UBR1: variants seen among roughly 807,000 people sequenced by gnomAD.
UBR1 encodes the protein ubiquitin protein ligase E3 component n-recognin 1, also known as E3 ubiquitin-protein ligase UBR1.
In UBR1, 102 loss-of-function variants were observed where a neutral mutation model predicts 242.1. That is an observed-to-expected ratio of 0.42 (90% CI 0.36 to 0.50). UBR1 has a LOEUF of 0.50. UBR1 is among the 20% of genes least tolerant of loss of function. The pLI is 0.01. For missense variants in UBR1, 1,772 were observed against 2,101.8 expected (o/e 0.84, Z 3.07); for synonymous variants, 675 against 684.8 (o/e 0.99, Z 0.22).
At position 43,027,829 on chromosome 15, in the gene UBR1, CTGTTGAAACAATATTTTTG is replaced by C. The variant is rs1567130338; in HGVS notation, c.2380-20_2380-2del. 1 of 1,612,002 alleles carries C rather than the reference CTGTTGAAACAATATTTTTG, an allele frequency of 6.2e-7. No individual in the cohort carries two copies. Among genetic ancestry groups the C allele is most frequent in the Non-Finnish European group, 8.5e-7 (1 of 1,179,116 alleles). ...TCTCTAAGCCAGTTTCATTATTTTC[CTGTTGAAACAATATTTTTG>C]TCATTTTTACCTTCATATAATGACT... On this transcript the variant is annotated splice_acceptor_variant and splice_polypyrimidine_tract_variant and intron_variant, in intron 21 of 46. Coordinates refer to ENST00000290650, the MANE Select transcript of UBR1 (RefSeq NM_174916.3). LOFTEE classifies it high-confidence loss of function.
intron 46 of UBR1, among the ~76,000 whole-genome samples, chr15:42,947,649 CAGAG>C (rs2031760324): frequency 1.3e-5 from 2 of 152,076 alleles, no homozygotes; most frequent in Non-Finnish European, 2.9e-5. Context: ...AACAGACAAA[CAGAG>C]AGCCAAATCA....
intron 32 of UBR1, 110 bp downstream of exon 32, chr15:43,002,445 C>T (rs957118785): frequency 1.6e-6 from 2 of 1,283,158 alleles, no homozygotes; most frequent in East Asian, 2.5e-5. Context: ...GGTCTCGAAC[C>T]CCTGAGCTCT....
At chr15:43,068,644 G>A (rs550817495) in intron 5 of UBR1, among the ~76,000 whole-genome samples, 1 of 147,118 alleles carries the variant, frequency 6.8e-6, no homozygotes, top group East Asian at 2.1e-4. Context: ...TGTTTTAGAT[G>A]GAATCTCACT....
At chr15:43,032,537 T>A (rs763878665) in intron 20 of UBR1, 31 bp downstream of exon 20, 6 of 1,451,836 alleles carry the variant, frequency 4.1e-6, no homozygotes, top group Non-Finnish European at 5.8e-6. Context: ...TAACCCATGT[T>A]CTATTTCAAA....
At chr15:43,085,746 T>C (rs751915359) in intron 2 of UBR1, among the ~76,000 whole-genome samples, 9 of 149,718 alleles carry the variant, frequency 6.0e-5, no homozygotes, top group Admixed American at 3.3e-4. Context: ...TAGCCAGGCA[T>C]GGTGGCGGGT....
intron 42 of UBR1, among the ~76,000 whole-genome samples, chr15:42,961,959 T>C (rs914107005): frequency 2.0e-5 from 3 of 148,142 alleles, no homozygotes; most frequent in African/African-American, 7.5e-5. Flanking sequence ...AGAAATGGGG[T>C]TTCACTATCT....
Position 43,067,991 on chromosome 15 carries a change from G to A in UBR1, c.705C>T (p.His235=). Residue 235 remains histidine, a synonymous_variant, in exon 6 of 47, where the codon CAC becomes CAT. Coordinates refer to ENST00000290650, the MANE Select transcript of UBR1 (RefSeq NM_174916.3). ...TGTATATGACGTGGTCATATGAATG[G>A]TGTTCATCATTGAAAAGGACACAAT... is the stretch of plus-strand genomic sequence containing the variant. The part of the protein sequence containing the change: ...RYYCVLFNDE[H]HSYDHVIYSL... 1 of 1,611,182 alleles carries A rather than the reference G, an allele frequency of 6.2e-7. No homozygotes were observed. Among genetic ancestry groups the A allele is most frequent in the South Asian group, 1.1e-5 (1 of 90,998 alleles).
chr15:42,970,753 G>A lies in UBR1; in HGVS notation c.4370-146C>T, dbSNP rs1342161439. 2.1e-5 allele frequency: 16 copies of A among 757,974 alleles called. No individual in the cohort carries two copies. The East Asian group carries it at 2.3e-4, about 11-fold the overall frequency. The allele number at this position is 757,974 out of a possible 1,614,324, so 47.0% of individuals were successfully genotyped here. Reference sequence around the variant, plus strand: ...TTTTTTTTTTTTGAGACAGAGTTTCGCTCTTGTTGCCCAGGCTGGAGAGCA... The same window carrying A: ...TTTTTTTTTTTTGAGACAGAGTTTCACTCTTGTTGCCCAGGCTGGAGAGCA... On this transcript the variant is annotated intron_variant, in intron 39 of 46. Transcript: ENST00000290650.
intron 7 of UBR1, 62 bp downstream of exon 7, chr15:43,059,990 T>C: frequency 6.3e-7 from 1 of 1,587,154 alleles, no homozygotes; most frequent in Non-Finnish European, 8.7e-7. Flanking sequence ...TTATTCTACT[T>C]GGGCTCTTGT....
At chr15:43,076,810 T>C (rs2033906072) in intron 3 of UBR1, among the ~76,000 whole-genome samples, 1 of 121,754 alleles carries the variant, frequency 8.2e-6, no homozygotes. Flanking sequence ...AGCCGCCCCG[T>C]CCGGGAGGTG....
intron 33 of UBR1, among the ~76,000 whole-genome samples, chr15:42,991,120 C>CA (rs1417455141): frequency 2.0e-5 from 3 of 151,902 alleles, no homozygotes; most frequent in African/African-American, 7.2e-5. Context: ...ACTAAAAATA[C>CA]AAAAAATTAG....
intron 44 of UBR1, among the ~76,000 whole-genome samples, chr15:42,954,686 C>T (rs908140653): frequency 6.6e-6 from 1 of 152,172 alleles, no homozygotes; most frequent in Non-Finnish European, 1.5e-5. Context: ...CGTGCCTCAG[C>T]CTCCTGAGTA....
At chr15:43,080,676 C>T (rs987451919) in intron 3 of UBR1, among the ~76,000 whole-genome samples, 4 of 152,110 alleles carry the variant, frequency 2.6e-5, no homozygotes, top group East Asian at 1.9e-4. Context: ...ATTCACTGGC[C>T]GGGCGTGGTG....
At chr15:43,064,908 G>A (rs2033733975) in intron 6 of UBR1, among the ~76,000 whole-genome samples, 1 of 152,048 alleles carries the variant, frequency 6.6e-6, no homozygotes, top group Admixed American at 6.6e-5. Flanking sequence ...GTCCTACTAG[G>A]ACAAAAACAA....
Position 43,038,210 on chromosome 15 carries a change from C to A in UBR1, c.1872G>T (p.Arg624Ser). 3 of 1,614,040 alleles carry A rather than the reference C, an allele frequency of 1.9e-6. No homozygotes were observed. The highest frequency in any genetic ancestry group is 2.5e-6 in the Non-Finnish European group (3 of 1,179,992). Residue 624 changes from arginine to serine, a missense_variant, in exon 16 of 47, where the codon AGG (arginine) becomes AGT (serine). Coordinates refer to ENST00000290650, the MANE Select transcript of UBR1 (RefSeq NM_174916.3). ...CATGCAGTCTTGAAACAGCACCCAG[C>A]CTGCTTAAACGTACATGAAGACCTA... ...TLAGLHVRLSRLGAVSRLHEF... is the reference protein window; with the variant it reads ...TLAGLHVRLSSLGAVSRLHEF...
intron 32 of UBR1, 67 bp from the exon 33 acceptor site, chr15:42,998,332 T>C: frequency 7.2e-7 from 1 of 1,393,544 alleles, no homozygotes; most frequent in Non-Finnish European, 1.0e-6. Context: ...GCTGAATTTG[T>C]ATTATTTCCT....
intron 2 of UBR1, among the ~76,000 whole-genome samples, chr15:43,084,037 C>T (rs2034004104): frequency 6.6e-6 from 1 of 152,076 alleles, no homozygotes; most frequent in African/African-American, 2.4e-5. Context: ...AAGAGCGAAA[C>T]TCTGTCTCAA....
In UBR1 at chr15:42,958,072, A is replaced by G; in HGVS notation, c.4776T>C (p.Asn1592=). The stretch of plus-strand genomic sequence containing the variant: ...AGTCATCAGGAAGCTCTATCAAACT[A>G]TTTCTTTTTCTAGGGTACCTACAAT... ...NTVVRYPRKR[N]SLIELPDDYS... is the part of the protein sequence containing the mutation. The change falls in exon 44 of 47, where the codon AAT becomes AAC. Residue 1592 remains asparagine (N), a synonymous_variant. Transcript: ENST00000290650. The G allele has an allele frequency of 6.2e-7, 1 of 1,613,470 alleles. No homozygotes were observed. Among genetic ancestry groups the G allele is most frequent in the East Asian group, 2.2e-5 (1 of 44,854 alleles).
At chr15:43,076,405 G>C (rs1037070688) in intron 3 of UBR1, among the ~76,000 whole-genome samples, 4 of 151,780 alleles carry the variant, frequency 2.6e-5, no homozygotes, top group Non-Finnish European at 4.4e-5. Flanking sequence ...CCGCCACCCC[G>C]TCTGGGAAGT....
Sources: gnomAD v4.1 joint callset for allele counts (sites outside exome capture counted in the v4.1 genomes callset) on GRCh38, gnomAD v4.1.1 for gene constraint, MANE v1.5 for transcripts, NCBI Gene and HGNC (gene_info 2026-07-23, HGNC 2026-07-21) for gene names.